The following TRABD2B variants were observed in gnomAD, a reference collection of about 807,000 sequenced individuals.
The protein encoded by TRABD2B is TraB domain containing 2B, also known as metalloprotease TIKI2.
TRABD2B carries 14 observed loss-of-function variants against 40.1 expected under a neutral mutation model. That is an observed-to-expected ratio of 0.35 (90% CI 0.23 to 0.55). The LOEUF (loss-of-function observed/expected upper bound fraction) is 0.55, where lower values mean the gene tolerates loss of function less well. Ranked by LOEUF, TRABD2B falls within the 20% of genes least tolerant of loss-of-function variation. TRABD2B has a pLI of 0.90. For missense variants in TRABD2B, 541 were observed against 648.6 expected, an observed-to-expected ratio of 0.83 and a Z score of 1.80; for synonymous variants, 263 against 277.0, an observed-to-expected ratio of 0.95 and a Z score of 0.50.
At chr1:47,941,961 A>C (rs994900327) in intron 2 of TRABD2B, among the ~76,000 whole-genome samples, 3 of 152,266 alleles carry the variant, frequency 2.0e-5, no homozygotes, top group African/African-American at 7.2e-5. Context: ...AATAAATGTT[A>C]GTCAATGGAA....
chr1:47,843,507 G>C lies in TRABD2B; in HGVS notation c.667-41888C>G, dbSNP rs1380540668. On this transcript the variant is annotated intron_variant, in intron 2 of 6. Coordinates refer to ENST00000606738, the MANE Select transcript of TRABD2B (RefSeq NM_001194986.2). The stretch of plus-strand genomic sequence containing the variant: ...GGGGAAGATTTGGAGTTTGGTTTAG[G>C]GTATGTGCATTTTGAAGTGCCTGCT... Among the ~76,000 whole-genome samples the C allele has an allele frequency of 6.6e-5, 10 of 152,264 alleles. No individual in the cohort carries two copies. The South Asian group carries it at 2.1e-3, about 32-fold the overall frequency.
intron 2 of TRABD2B, among the ~76,000 whole-genome samples, chr1:47,959,174 GA>G (rs1314870888): frequency 6.6e-6 from 1 of 152,074 alleles, no homozygotes; most frequent in Non-Finnish European, 1.5e-5. Flanking sequence ...CGAGAACAAA[GA>G]AACAACATAA....
At chr1:47,769,812 T>C (rs189471894) in intron 6 of TRABD2B, among the ~76,000 whole-genome samples, 1 of 152,296 alleles carries the variant, frequency 6.6e-6, no homozygotes, top group East Asian at 1.9e-4. Context: ...CTGTAGTGCG[T>C]TCCTGGCTTG....
chr1:47,846,894 A>ACACACACACACACG (rs1439715341), intron 2 of TRABD2B, among the ~76,000 whole-genome samples: 13,684 of 145,378 alleles, frequency 0.094, 844 homozygotes, highest in Non-Finnish European at 0.12. Flanking sequence ...ACACACACAC[A>ACACACACACACACG]CAAATGAGGG....
At chr1:47,871,312 C>T (rs1461787493) in intron 2 of TRABD2B, among the ~76,000 whole-genome samples, 1 of 152,158 alleles carries the variant, frequency 6.6e-6, no homozygotes, top group Non-Finnish European at 1.5e-5. Context: ...TGTGGCCCCT[C>T]CCAGATCCTC....
chr1:47,817,419 C>T (rs997447022), intron 2 of TRABD2B, among the ~76,000 whole-genome samples: 2 of 152,052 alleles, frequency 1.3e-5, no homozygotes, highest in Non-Finnish European at 2.9e-5. Context: ...GGGTCCTCAG[C>T]TGTGGAACCT....
chr1:47,993,438 C>T (rs1646041749), intron 2 of TRABD2B, among the ~76,000 whole-genome samples: 1 of 152,190 alleles, frequency 6.6e-6, no homozygotes, highest in South Asian at 2.1e-4. Context: ...AAATTATTAA[C>T]CTTAAAACTC....
intron 6 of TRABD2B, among the ~76,000 whole-genome samples, chr1:47,770,178 G>A (rs75716854): frequency 6.6e-6 from 1 of 152,114 alleles, no homozygotes; most frequent in Non-Finnish European, 1.5e-5. Flanking sequence ...TGAGGAGACC[G>A]GATTTGGGGC....
chr1:47,784,861 T>A (rs1644573865), intron 4 of TRABD2B, among the ~76,000 whole-genome samples: 1 of 152,146 alleles, frequency 6.6e-6, no homozygotes, highest in Non-Finnish European at 1.5e-5. Flanking sequence ...CCCAACCTTG[T>A]GCCAGGAGCT....
chr1:47,906,201 T>C (rs1348971256), intron 2 of TRABD2B, among the ~76,000 whole-genome samples: 1 of 152,214 alleles, frequency 6.6e-6, no homozygotes, highest in Non-Finnish European at 1.5e-5. Flanking sequence ...CTACATCGTG[T>C]GTTGTGCACA....
intron 2 of TRABD2B, among the ~76,000 whole-genome samples, chr1:47,988,931 T>C (rs139753152): frequency 6.6e-6 from 1 of 152,344 alleles, no homozygotes; most frequent in East Asian, 1.9e-4. Flanking sequence ...AAAATTCGTA[T>C]GTTGAAACCT....
intron 2 of TRABD2B, among the ~76,000 whole-genome samples, chr1:47,911,142 C>G (rs1424383680): frequency 6.6e-6 from 1 of 152,202 alleles, no homozygotes; most frequent in Non-Finnish European, 1.5e-5. Context: ...AGAAAGCCAG[C>G]CTACCTTTAG....
chr1:47,904,257 C>T (rs192993158), intron 2 of TRABD2B, among the ~76,000 whole-genome samples: 1 of 152,102 alleles, frequency 6.6e-6, no homozygotes, highest in Non-Finnish European at 1.5e-5. Context: ...TCTTGGAGGC[C>T]ATTAAAAGAG....
At chr1:47,891,347 C>T (rs1292548325) in intron 2 of TRABD2B, among the ~76,000 whole-genome samples, 1 of 152,086 alleles carries the variant, frequency 6.6e-6, no homozygotes, top group Non-Finnish European at 1.5e-5. Context: ...AAGCAGGGCG[C>T]AGAGACAGAG....
intron 2 of TRABD2B, among the ~76,000 whole-genome samples, chr1:47,822,791 G>A (rs1279840106): frequency 6.6e-6 from 1 of 152,222 alleles, no homozygotes; most frequent in African/African-American, 2.4e-5. Flanking sequence ...TTACATTTTA[G>A]TTCTAGCAGC....
chr1:47,926,171 C>A (rs551823875), intron 2 of TRABD2B, among the ~76,000 whole-genome samples: 1 of 152,020 alleles, frequency 6.6e-6, no homozygotes, highest in African/African-American at 2.4e-5. Context: ...ATGTTATCTA[C>A]GAATAATAAA....
At chr1:47,812,820 G>C (rs937302243) in intron 2 of TRABD2B, among the ~76,000 whole-genome samples, 2 of 152,226 alleles carry the variant, frequency 1.3e-5, no homozygotes, top group African/African-American at 4.8e-5. Flanking sequence ...AGGGCTGGAA[G>C]ACATTCAGTA....
intron 2 of TRABD2B, among the ~76,000 whole-genome samples, chr1:47,814,444 G>A (rs1645003694): frequency 6.6e-6 from 1 of 152,224 alleles, no homozygotes; most frequent in Non-Finnish European, 1.5e-5. Context: ...GACAAGGAGA[G>A]GTGAGAAGGC....
At chr1:47,865,637 C>T (rs1435423332) in intron 2 of TRABD2B, among the ~76,000 whole-genome samples, 1 of 152,122 alleles carries the variant, frequency 6.6e-6, no homozygotes, top group African/African-American at 2.4e-5. Flanking sequence ...TGCCCAGCTC[C>T]AGAGAGGTTC....
Sources: allele counts gnomAD v4.1 joint callset (sites outside exome capture counted in the v4.1 genomes callset), GRCh38; gene constraint gnomAD v4.1.1; transcripts MANE v1.5; gene names NCBI Gene and HGNC (gene_info 2026-07-23, HGNC 2026-07-21).